PREX1: variants seen among roughly 807,000 people sequenced by gnomAD.
PREX1 encodes phosphatidylinositol 3,4,5-trisphosphate-dependent Rac exchanger 1 protein.
A neutral mutation model predicts 198.3 loss-of-function variants in PREX1; 41 were observed. That is an observed-to-expected ratio of 0.21 (90% CI 0.16 to 0.27). The LOEUF is 0.27. Ranked by LOEUF, PREX1 falls within the 10% of genes least tolerant of loss-of-function variation. The pLI, the probability that PREX1 is intolerant of heterozygous loss-of-function variation, is 1.00. For missense variants in PREX1, 1,620 were observed against 2,200.7 expected, an observed-to-expected ratio of 0.74 and a Z score of 5.28; for synonymous variants, 843 against 887.2, an observed-to-expected ratio of 0.95 and a Z score of 0.89.
chr20:48,788,325 A>C (rs2090322499), intron 1 of PREX1, among the ~76,000 whole-genome samples: 1 of 152,208 alleles, frequency 6.6e-6, no homozygotes, highest in African/African-American at 2.4e-5. Context: ...CAGAAATCTC[A>C]GTAGCAGAAC....
At chr20:48,645,143 C>G (rs906661961) in intron 26 of PREX1, among the ~76,000 whole-genome samples, 1 of 152,196 alleles carries the variant, frequency 6.6e-6, no homozygotes, top group Non-Finnish European at 1.5e-5. Context: ...GATCCCTTGA[C>G]GACTGGAAGA....
At chr20:48,765,552 G>A (rs1229404427) in intron 1 of PREX1, among the ~76,000 whole-genome samples, 2 of 152,204 alleles carry the variant, frequency 1.3e-5, no homozygotes, top group African/African-American at 2.4e-5. Flanking sequence ...AATGCCAGGG[G>A]TACAGGAGGA....
chr20:48,828,523 C>G (rs943847831), upstream of PREX1, among the ~76,000 whole-genome samples: 11 of 152,324 alleles, frequency 7.2e-5, no homozygotes, highest in South Asian at 4.1e-4. Context: ...CAGGGGCGAC[C>G]GCTGCCTGGG....
In PREX1 at chr20:48,720,096, C is replaced by A. The variant is rs571466327; in HGVS notation, c.621+6194G>T. 5.3e-5 allele frequency among the ~76,000 whole-genome samples: 8 copies of A among 152,296 alleles called. No homozygotes were observed. The South Asian group carries it at 1.7e-3, about 32-fold the overall frequency. On this transcript the variant is annotated intron_variant, in intron 5 of 39. Coordinates refer to ENST00000371941, the MANE Select transcript of PREX1 (RefSeq NM_020820.4). The stretch of plus-strand genomic sequence containing the variant: ...CCCAGGGCCTTTGCACTGGCTGTTC[C>A]CTCTGGAACAATTTTCCCCAAGGTA...
chr20:48,804,620 T>C (rs2090403148), intron 1 of PREX1, among the ~76,000 whole-genome samples: 1 of 152,130 alleles, frequency 6.6e-6, no homozygotes. Flanking sequence ...GAATGTGACC[T>C]GATTTACGCA....
intron 5 of PREX1, among the ~76,000 whole-genome samples, chr20:48,720,779 C>T (rs1042494973): frequency 2.0e-5 from 3 of 151,862 alleles, no homozygotes; most frequent in East Asian, 1.9e-4. Flanking sequence ...CCCAGGAGCG[C>T]GGACCTCAGT....
chr20:48,744,746 G>A (rs1177865799), intron 3 of PREX1, among the ~76,000 whole-genome samples: 1 of 152,218 alleles, frequency 6.6e-6, no homozygotes, highest in Non-Finnish European at 1.5e-5. Context: ...CGCCAGGCCA[G>A]GAGGTCGCAG....
chr20:48,812,618 G>A (rs978865924), intron 1 of PREX1, among the ~76,000 whole-genome samples: 1 of 151,986 alleles, frequency 6.6e-6, no homozygotes, highest in Non-Finnish European at 1.5e-5. Context: ...TATGTACCTC[G>A]CATTGTTCTG....
At chr20:48,634,519 A>G (rs1413979085) in intron 33 of PREX1, among the ~76,000 whole-genome samples, 157 bp downstream of exon 33, 1 of 152,116 alleles carries the variant, frequency 6.6e-6, no homozygotes, top group Non-Finnish European at 1.5e-5. Flanking sequence ...CGGCTCTCAC[A>G]CTCATGTTGG....
At chr20:48,720,786 C>T (rs1475939459) in intron 5 of PREX1, among the ~76,000 whole-genome samples, 1 of 152,030 alleles carries the variant, frequency 6.6e-6, no homozygotes, top group East Asian at 1.9e-4. Context: ...GCGCGGACCT[C>T]AGTATCAGCC....
At chr20:48,780,955 T>A (rs564238616) in intron 1 of PREX1, among the ~76,000 whole-genome samples, 1 of 152,318 alleles carries the variant, frequency 6.6e-6, no homozygotes, top group Non-Finnish European at 1.5e-5. Context: ...CTGATTAAAA[T>A]GCACAGAGAG....
chr20:48,849,113 T>A, the PREX1 span, among the ~76,000 whole-genome samples: 29 of 149,464 alleles, frequency 1.9e-4, no homozygotes, highest in Middle Eastern at 6.8e-3. Context: ...AAAAAAGGAA[T>A]GTTTGTGCAT....
intron 6 of PREX1, among the ~76,000 whole-genome samples, chr20:48,705,017 T>A (rs746773413): frequency 3.3e-4 from 50 of 152,182 alleles, no homozygotes; most frequent in Non-Finnish European, 6.5e-4. Flanking sequence ...TCTAAAAAAA[T>A]AAATAAATAA....
At chr20:48,668,016 C>T (rs956265987) in intron 14 of PREX1, among the ~76,000 whole-genome samples, 1 of 152,228 alleles carries the variant, frequency 6.6e-6, no homozygotes, top group Non-Finnish European at 1.5e-5. Flanking sequence ...CTAGGCCTGC[C>T]CTGGCTTTCT....
chr20:48,811,144 G>A (rs2090432089), intron 1 of PREX1, among the ~76,000 whole-genome samples: 2 of 151,980 alleles, frequency 1.3e-5, no homozygotes, highest in South Asian at 4.1e-4. Context: ...TGTATGAAAT[G>A]TCTTCATTTT....
intron 16 of PREX1, among the ~76,000 whole-genome samples, chr20:48,659,541 T>G (rs561608423): frequency 2.6e-5 from 4 of 152,212 alleles, no homozygotes; most frequent in African/African-American, 9.6e-5. Context: ...ACCCTGGCAG[T>G]GACCAGAAAC....
Position 48,747,844 on chromosome 20 carries a change from A to C in PREX1, c.256T>G (p.Ser86Ala). The C allele has an allele frequency of 6.2e-7, 1 of 1,613,670 alleles. No individual in the cohort carries two copies. Among genetic ancestry groups the C allele is most frequent in the Non-Finnish European group, 8.5e-7 (1 of 1,179,900 alleles). The change falls in exon 2 of 40, where the codon TCA (serine) becomes GCA (alanine). Residue 86 changes from serine (S) to alanine (A), a missense_variant. Physicochemically the swap from Ser to Ala is moderately conservative, Grantham distance 99. Around this residue, in one of 7 missense-constraint regions of PREX1, gnomAD observed 488 missense variants for 802.5 expected, o/e 0.61. Coordinates refer to ENST00000371941, the MANE Select transcript of PREX1 (RefSeq NM_020820.4). ...LHRIRQNVADSVEKGLTEENV... is the reference protein window; with the variant it reads ...LHRIRQNVADAVEKGLTEENV... ...TCCTCCGTGAGGCCCTTCTCCACTG[A>C]GTCGGCCACGTTCTGCCGGATGCGA...
intron 1 of PREX1, among the ~76,000 whole-genome samples, chr20:48,759,556 AAAAAAAAAAAAAG>A (rs2090169957): frequency 6.6e-6 from 1 of 150,464 alleles, no homozygotes; most frequent in African/African-American, 2.5e-5. Context: ...TCTCAAAAAA[AAAAAAAAAAAAAG>A]AAAAGAAAGA....
At chr20:48,758,656 C>T (rs6066846) in intron 1 of PREX1, among the ~76,000 whole-genome samples, 51,332 of 152,124 alleles carry the variant, frequency 0.34, 9,967 homozygotes, top group Non-Finnish European at 0.43. Context: ...TGCGGAACCA[C>T]AGGCAGTCCC....
Sources: gnomAD v4.1 joint callset for allele counts (sites outside exome capture counted in the v4.1 genomes callset) on GRCh38, gnomAD v4.1.1 for gene constraint, gnomAD v4.1.1 regional missense constraint, MANE v1.5 for transcripts, NCBI Gene and HGNC (gene_info 2026-07-23, HGNC 2026-07-21) for gene names.